The following NCOA1 variants were observed in gnomAD, a reference collection of about 807,000 sequenced individuals.
NCOA1 encodes Hin-2 protein.
In NCOA1, 35 loss-of-function variants were observed where a neutral mutation model predicts 150.9. The observed-to-expected ratio is 0.23, with a 90% CI of 0.18 to 0.31. The LOEUF (loss-of-function observed/expected upper bound fraction) is 0.31. Ranked by LOEUF, NCOA1 falls within the 10% of genes least tolerant of loss-of-function variation. The probability of loss-of-function intolerance (pLI) is 1.00; values close to 1 mark genes in which losing one functional copy is unlikely to be tolerated. For synonymous variants in NCOA1, 590 were observed against 630.0 expected, an observed-to-expected ratio of 0.94 and a Z score of 0.95; for missense variants, 1,491 against 1,749.3, an observed-to-expected ratio of 0.85 and a Z score of 2.63.
chr2:24,742,679 C>G (rs1663670614), intron 19 of NCOA1, among the ~76,000 whole-genome samples: 1 of 150,150 alleles, frequency 6.7e-6, no homozygotes, highest in Non-Finnish European at 1.5e-5. Context: ...TCACACTGGT[C>G]TTGAACTCCT....
chr2:24,647,987 C>G (rs1281215666), intron 4 of NCOA1, among the ~76,000 whole-genome samples: 1 of 151,988 alleles, frequency 6.6e-6, no homozygotes, highest in Non-Finnish European at 1.5e-5. Flanking sequence ...ATTGAGAACC[C>G]CGGAAAATGG....
At chr2:24,671,608 T>G (rs1671687025) in intron 6 of NCOA1, among the ~76,000 whole-genome samples, 1 of 152,218 alleles carries the variant, frequency 6.6e-6, no homozygotes, top group African/African-American at 2.4e-5. Context: ...TCACCCAGGC[T>G]GGAGTGCAGT....
intron 2 of NCOA1, among the ~76,000 whole-genome samples, chr2:24,580,958 A>C (rs1484897392): frequency 6.6e-6 from 1 of 152,176 alleles, no homozygotes; most frequent in Non-Finnish European, 1.5e-5. Flanking sequence ...CATGAGAAGG[A>C]GGGAAGCCTC....
At chr2:24,526,001 G>T (rs1664638024) in intron 1 of NCOA1, among the ~76,000 whole-genome samples, 1 of 152,048 alleles carries the variant, frequency 6.6e-6, no homozygotes, top group Non-Finnish European at 1.5e-5. Flanking sequence ...TTTGATGTCT[G>T]TATTTGAAGA....
At chr2:24,636,935 AAAT>A (rs1354304169) in intron 3 of NCOA1, among the ~76,000 whole-genome samples, 2 of 152,080 alleles carry the variant, frequency 1.3e-5, no homozygotes, top group African/African-American at 2.4e-5. Context: ...TTAAATTGAC[AAAT>A]AATAATTGTA....
At chr2:24,676,675 A>G (rs1572577358) in intron 7 of NCOA1, among the ~76,000 whole-genome samples, 1 of 152,194 alleles carries the variant, frequency 6.6e-6, no homozygotes, top group South Asian at 2.1e-4. Flanking sequence ...GATGGCAACA[A>G]AGATCATTGA....
chr2:24,747,305 ATATTTT>A (rs771266802), intron 19 of NCOA1, among the ~76,000 whole-genome samples: 236 of 142,644 alleles, frequency 1.7e-3, no homozygotes, highest in African/African-American at 6.1e-3. Context: ...TCCCGCTCAC[ATATTTT>A]TATTTTTATT....
intron 2 of NCOA1, among the ~76,000 whole-genome samples, chr2:24,582,535 G>A (rs1194213115): frequency 6.6e-6 from 1 of 152,008 alleles, no homozygotes; most frequent in African/African-American, 2.4e-5. Flanking sequence ...ACTACCCAAA[G>A]CAATGTACAG....
intron 3 of NCOA1, among the ~76,000 whole-genome samples, chr2:24,618,080 A>G (rs1668954758): frequency 6.6e-6 from 1 of 152,230 alleles, no homozygotes; most frequent in African/African-American, 2.4e-5. Flanking sequence ...TTAATTCTAG[A>G]TAGTACAGCT....
intron 2 of NCOA1, among the ~76,000 whole-genome samples, chr2:24,568,411 T>C (rs1263957293): frequency 6.6e-6 from 1 of 152,332 alleles, no homozygotes; most frequent in East Asian, 1.9e-4. Context: ...GGATATTCCC[T>C]GCTACAGTTT....
At chr2:24,747,800 A>C (rs1051640252) in intron 19 of NCOA1, among the ~76,000 whole-genome samples, 1 of 146,820 alleles carries the variant, frequency 6.8e-6, no homozygotes, top group Non-Finnish European at 1.5e-5. Context: ...CACCCTCTAG[A>C]GTCATAAATG....
intron 3 of NCOA1, among the ~76,000 whole-genome samples, chr2:24,622,861 C>A (rs56016728): frequency 5.5e-4 from 83 of 152,220 alleles, no homozygotes; most frequent in African/African-American, 2.0e-3. Flanking sequence ...TGAGGTGTCA[C>A]ATAAAAGATA....
chr2:24,756,595 C>T (rs11125765), intron 20 of NCOA1, among the ~76,000 whole-genome samples: 122,451 of 152,136 alleles, frequency 0.8, 51,274 homozygotes, highest in East Asian at 0.99. Context: ...AAAATTATTT[C>T]TAAAATCAAA....
intron 21 of NCOA1, among the ~76,000 whole-genome samples, chr2:24,760,956 T>C (rs1294644935): frequency 6.6e-6 from 1 of 152,124 alleles, no homozygotes; most frequent in Admixed American, 6.5e-5. Flanking sequence ...CAAGCAATTC[T>C]CCTGCCTCAG....
chr2:24,709,441 T>G (rs982100104), intron 13 of NCOA1, among the ~76,000 whole-genome samples: 1 of 152,210 alleles, frequency 6.6e-6, no homozygotes, highest in Non-Finnish European at 1.5e-5. Flanking sequence ...TGATAAATAT[T>G]CATTGGTCAT....
intron 3 of NCOA1, among the ~76,000 whole-genome samples, chr2:24,589,694 C>T (rs1217593319): frequency 7.3e-5 from 11 of 151,480 alleles, no homozygotes; most frequent in African/African-American, 1.9e-4. Flanking sequence ...TGTGCGCACA[C>T]GCGCCACGTG....
chr2:24,672,151 T>G (rs1671718123), intron 6 of NCOA1, among the ~76,000 whole-genome samples: 1 of 151,992 alleles, frequency 6.6e-6, no homozygotes, highest in African/African-American at 2.4e-5. Context: ...ATATTGTTTA[T>G]GAAATCATAC....
intron 17 of NCOA1, among the ~76,000 whole-genome samples, chr2:24,736,755 T>G (rs1482419101): frequency 6.6e-6 from 1 of 152,210 alleles, no homozygotes; most frequent in Non-Finnish European, 1.5e-5. Context: ...TAAGGATGTT[T>G]AGCAGCATTC....
At chr2:24,565,317 C>A (rs1371359085) in intron 2 of NCOA1, among the ~76,000 whole-genome samples, 1 of 151,874 alleles carries the variant, frequency 6.6e-6, no homozygotes, top group Non-Finnish European at 1.5e-5. Flanking sequence ...TATATTTTTC[C>A]AAATAGGCAG....
Sources: gnomAD v4.1 joint callset for allele counts (sites outside exome capture counted in the v4.1 genomes callset) on GRCh38, gnomAD v4.1.1 for gene constraint, MANE v1.5 for transcripts, NCBI Gene and HGNC (gene_info 2026-07-23, HGNC 2026-07-21) for gene names.